PWWP3A: variants seen among roughly 807,000 people sequenced by gnomAD.
The protein encoded by PWWP3A is PWWP domain containing 3A, DNA repair factor.
A neutral mutation model predicts 79.0 loss-of-function variants in PWWP3A; 53 were observed. The observed-to-expected ratio is 0.67, with a 90% CI of 0.54 to 0.84. PWWP3A has a LOEUF of 0.84. PWWP3A is among the 40% of genes least tolerant of loss of function. The pLI is 0.00. For missense variants in PWWP3A, 973 were observed against 948.0 expected (o/e 1.03, Z -0.35); for synonymous variants, 443 against 394.4 (o/e 1.12, Z -1.46).
chr19:1,355,839 C>G (rs546197470), intron 1 of PWWP3A, among the ~76,000 whole-genome samples: 8 of 152,020 alleles, frequency 5.3e-5, no homozygotes, highest in Admixed American at 5.2e-4. Context: ...CAAGCCAGTC[C>G]TTCCCATTGA....
intron 4 of PWWP3A, chr19:1,358,667 C>T: frequency 6.5e-7 from 1 of 1,529,286 alleles, no homozygotes; most frequent in African/African-American, 1.4e-5. Context: ...GCCCCTAGAA[C>T]CACTCCTATT....
Position 1,368,034 on chromosome 19 carries a change from G to A in PWWP3A, c.1422+814G>A, listed in dbSNP as rs1338708369. 6.6e-6 allele frequency among the ~76,000 whole-genome samples: 1 copy of A among 152,092 alleles called. No homozygotes were observed. The highest frequency in any genetic ancestry group is 1.5e-5 in the Non-Finnish European group (1 of 68,006). On this transcript the variant is annotated intron_variant, in intron 9 of 13. Coordinates refer to ENST00000591337, the MANE Select transcript of PWWP3A (RefSeq NM_001369789.1). The surrounding 1 kb of genome is among the most constrained non-coding windows in gnomAD (Gnocchi z 4.7). ...CCACCTCCTGGGTTCATGCGATTCT[G>A]CTGCCTCAGCCTTCCGAGTAGCTGG... is the stretch of plus-strand genomic sequence containing the variant.
chr19:1,355,986 T>C (rs1415756902), intron 1 of PWWP3A, among the ~76,000 whole-genome samples: 1 of 152,084 alleles, frequency 6.6e-6, no homozygotes, highest in African/African-American at 2.4e-5. Flanking sequence ...GTTGTGAGCT[T>C]TGATTGTGTA....
At chr19:1,361,885 C>G (rs1257865605) in intron 5 of PWWP3A, 1 of 218,022 alleles carries the variant, frequency 4.6e-6, no homozygotes, top group African/African-American at 2.3e-5. Context: ...TGTCCTGGCC[C>G]CCTCCCTGCA....
intron 7 of PWWP3A, 22 bp from the exon 8 acceptor site, chr19:1,366,278 GTTTTA>G: frequency 6.2e-7 from 1 of 1,609,362 alleles, no homozygotes; most frequent in East Asian, 2.2e-5. Context: ...TTGTTTTGAC[GTTTTA>G]TTTTCTTGGA....
In PWWP3A at chr19:1,369,690, G is replaced by A. The variant is rs748105077; in HGVS notation, c.1549+44G>A. 6.2e-7 allele frequency: 1 copy of A among 1,604,990 alleles called. No individual in the cohort carries two copies. The highest frequency in any genetic ancestry group is 1.7e-5 in the Admixed American group (1 of 60,008). ...CTTGGAAAATGTGGTTTGCCTTTTA[G>A]CCCTTTAGAAAAACAATCTTCTATG... On this transcript the variant is annotated intron_variant, in intron 11 of 13. Coordinates refer to ENST00000591337, the MANE Select transcript of PWWP3A (RefSeq NM_001369789.1). This position sits in a 1 kb window ranked among gnomAD's most constrained non-coding sequence, Gnocchi z 4.0.
intron 1 of PWWP3A, 149 bp from the exon 2 acceptor site, chr19:1,356,174 CT>C: frequency 3.7e-6 from 2 of 547,772 alleles, no homozygotes; most frequent in East Asian, 3.1e-5. Flanking sequence ...TGTCAGTCTG[CT>C]TTTTGGCATT....
intron 1 of PWWP3A, 165 bp from the exon 2 acceptor site, chr19:1,356,159 C>G (rs1000539181): frequency 1.1e-3 from 533 of 472,466 alleles, no homozygotes; most frequent in Middle Eastern, 3.0e-3. Context: ...CCCGTCGTTT[C>G]TGTTTGTCAG....
intron 4 of PWWP3A, 128 bp downstream of exon 4, chr19:1,358,592 C>G: frequency 6.3e-7 from 1 of 1,587,828 alleles, no homozygotes; most frequent in Non-Finnish European, 8.5e-7. Flanking sequence ...TACAAGGGAA[C>G]GCGAATCCCC....
At chr19:1,365,730 G>A (rs1159901229) in intron 7 of PWWP3A, among the ~76,000 whole-genome samples, 2 of 152,248 alleles carry the variant, frequency 1.3e-5, no homozygotes, top group Non-Finnish European at 2.9e-5. Flanking sequence ...TCCCTGCTGG[G>A]TTAACAGGTC....
chr19:1,365,559 C>A (rs979282074), intron 7 of PWWP3A, among the ~76,000 whole-genome samples: 1 of 152,266 alleles, frequency 6.6e-6, no homozygotes, highest in Non-Finnish European at 1.5e-5. Flanking sequence ...GTGGTGTTCG[C>A]TGGGGAGGTT....
Position 1,366,501 on chromosome 19 carries a change from C to T in PWWP3A, c.1361+120C>T, listed in dbSNP as rs1222945467. On this transcript the variant is annotated intron_variant, in intron 8 of 13. Coordinates refer to ENST00000591337, the MANE Select transcript of PWWP3A (RefSeq NM_001369789.1). ...GGAGGCCCCGGCAGGAGTCCAGGCC[C>T]GGGCAGGGCTAGTGAGGTCTCACTG... 8.5e-5 allele frequency: 75 copies of T among 881,842 alleles called. 2 individuals carry two copies. The highest frequency in any genetic ancestry group is 6.1e-4 in the South Asian group (44 of 71,786). 54.6% of individuals were successfully genotyped at this position (881,842 alleles called of 1,614,324 possible).
intron 5 of PWWP3A, 145 bp downstream of exon 5, chr19:1,361,177 T>C (rs2082007425): frequency 2.7e-6 from 2 of 736,466 alleles, no homozygotes; most frequent in South Asian, 8.9e-5. Context: ...GACTTCCTCA[T>C]TCCTTTTTGT....
intron 6 of PWWP3A, among the ~76,000 whole-genome samples, 155 bp downstream of exon 6, chr19:1,362,506 G>A (rs1472798616): frequency 1.3e-5 from 2 of 152,220 alleles, no homozygotes; most frequent in Non-Finnish European, 2.9e-5. Context: ...ACCTTCAGAA[G>A]TGTCACGTTT....
In PWWP3A at chr19:1,356,378, A is replaced by T; in HGVS notation, c.-15A>T. The stretch of plus-strand genomic sequence containing the variant: ...TTGTGCCAAATCATTGCCACTTGCC[A>T]CATGAGTGTAAATGATGGCGGATGC... On this transcript the variant is annotated 5_prime_UTR_variant, in exon 2 of 14. Transcript: ENST00000591337. 1 of 1,614,082 alleles carries T rather than the reference A, an allele frequency of 6.2e-7. No homozygotes were observed. Among genetic ancestry groups the T allele is most frequent in the East Asian group, 2.2e-5 (1 of 44,894 alleles).
chr19:1,356,021 AG>A lies in PWWP3A; in HGVS notation c.-69-301del, dbSNP rs529564316. 3.9e-3 allele frequency among the ~76,000 whole-genome samples: 600 copies of A among 152,202 alleles called. 2 individuals carry two copies. Among genetic ancestry groups the A allele is most frequent in the Admixed American group, 8.1e-3 (124 of 15,292 alleles). On this transcript the variant is annotated intron_variant, in intron 1 of 13. Transcript: ENST00000591337. The stretch of plus-strand genomic sequence containing the variant: ...AAAATGCCTCTCCTGCCGAGGTCGG[AG>A]GCAGGTCTTCCGCACGGAGATGATT...
At chr19:1,355,788 C>T (rs1482412937) in intron 1 of PWWP3A, among the ~76,000 whole-genome samples, 6 of 151,272 alleles carry the variant, frequency 4.0e-5, no homozygotes, top group African/African-American at 1.5e-4. Flanking sequence ...TGCTAAATTC[C>T]ACCCCCACCC....
chr19:1,363,167 G>A (rs545134156), intron 6 of PWWP3A, among the ~76,000 whole-genome samples: 164 of 152,346 alleles, frequency 1.1e-3, no homozygotes, highest in Admixed American at 4.1e-3. Flanking sequence ...CCTCGGGAGC[G>A]CCATTCCACG....
rs76201062 is a variant in PWWP3A, at chr19:1,365,441, A to G, written c.1284+862A>G. 4.3e-3 allele frequency among the ~76,000 whole-genome samples: 656 copies of G among 152,382 alleles called. 6 individuals are homozygous for G. The highest frequency in any genetic ancestry group is 0.015 in the African/African-American group (611 of 41,596). ...AAACGCCAAAAGGCGTTGGCCCTGC[A>G]GTAATCCAGAGACGCCTTTGTTGCT... is the stretch of plus-strand genomic sequence containing the variant. On this transcript the variant is annotated intron_variant, in intron 7 of 13. Coordinates refer to ENST00000591337, the MANE Select transcript of PWWP3A (RefSeq NM_001369789.1).
Sources: gnomAD v4.1 joint callset for allele counts (sites outside exome capture counted in the v4.1 genomes callset) on GRCh38, gnomAD v4.1.1 for gene constraint, Gnocchi (gnomAD v3.1) non-coding constraint, MANE v1.5 for transcripts, NCBI Gene and HGNC (gene_info 2026-07-23, HGNC 2026-07-21) for gene names.